Variants in AKT3 observed in about 807,000 individuals in gnomAD.
AKT3 encodes the protein RAC-gamma serine/threonine-protein kinase.
In AKT3, 15 loss-of-function variants were observed where a neutral mutation model predicts 65.3. The observed-to-expected ratio is 0.23, with a 90% CI of 0.15 to 0.35. AKT3 has a LOEUF of 0.35. AKT3 is among the 10% of genes least tolerant of loss of function. The pLI is 1.00. For synonymous variants in AKT3, 206 were observed against 183.8 expected (o/e 1.12, Z -0.98); for missense variants, 243 against 576.5 (o/e 0.42, Z 5.92).
At chr1:243,780,093 G>A (rs1444528508) in intron 2 of AKT3, among the ~76,000 whole-genome samples, 1 of 151,990 alleles carries the variant, frequency 6.6e-6, no homozygotes, top group African/African-American at 2.4e-5. Context: ...AAATTGGTGG[G>A]CCAAAGTTTG....
intron 2 of AKT3, among the ~76,000 whole-genome samples, chr1:243,752,877 G>A (rs1410617465): frequency 2.0e-5 from 3 of 152,190 alleles, no homozygotes; most frequent in East Asian, 1.9e-4. Flanking sequence ...TGGGGGGAAA[G>A]GAAGTTAAAG....
chr1:243,727,374 G>A (rs1378485493), intron 2 of AKT3, among the ~76,000 whole-genome samples: 2 of 152,036 alleles, frequency 1.3e-5, no homozygotes, highest in Non-Finnish European at 2.9e-5. Context: ...GCTCAACACA[G>A]CCTTGACCTC....
chr1:243,812,338 C>A (rs1394717681), intron 2 of AKT3, among the ~76,000 whole-genome samples: 4 of 152,104 alleles, frequency 2.6e-5, no homozygotes, highest in Admixed American at 6.6e-5. Context: ...AAAAAACAAA[C>A]AACCCCATCA....
At chr1:243,534,278 G>C (rs951994178) in intron 12 of AKT3, among the ~76,000 whole-genome samples, 4 of 152,166 alleles carry the variant, frequency 2.6e-5, no homozygotes, top group African/African-American at 9.7e-5. Flanking sequence ...AACTATCAGA[G>C]ATAAAGAGGG....
At chr1:243,768,384 CA>C (rs922179418) in intron 2 of AKT3, among the ~76,000 whole-genome samples, 13 of 152,050 alleles carry the variant, frequency 8.5e-5, no homozygotes, top group Non-Finnish European at 1.9e-4. Flanking sequence ...TGAGTAACTC[CA>C]ATTCATTTTT....
intron 13 of AKT3, among the ~76,000 whole-genome samples, chr1:243,489,405 C>T (rs972451388): frequency 5.3e-5 from 8 of 152,190 alleles, no homozygotes; most frequent in Admixed American, 1.3e-4. Flanking sequence ...CCAAGTTGCG[C>T]CGTGCAGGCT....
rs988584028 is a variant in AKT3 at position 243,766,507 on chromosome 1, T to C, written c.47-70791A>G. On this transcript the variant is annotated intron_variant, in intron 2 of 13. Coordinates refer to ENST00000673466, the MANE Select transcript of AKT3 (RefSeq NM_005465.7). ...AGACCTTAGGTAGATATTGCAGTAATACAGGTAAAGAGATTAGGAGTTCAA... is the reference window on the plus strand; with the variant it reads ...AGACCTTAGGTAGATATTGCAGTAACACAGGTAAAGAGATTAGGAGTTCAA... Among the ~76,000 whole-genome samples the C allele has an allele frequency of 2.0e-5, 3 of 152,166 alleles. 1 individual carries two copies. Among genetic ancestry groups the C allele is most frequent in the South Asian group, 4.1e-4 (2 of 4,826 alleles).
intron 3 of AKT3, among the ~76,000 whole-genome samples, chr1:243,669,128 G>A (rs1421010737): frequency 6.6e-6 from 1 of 152,122 alleles, no homozygotes; most frequent in Non-Finnish European, 1.5e-5. Context: ...TCTCTTTGAA[G>A]CCAACTGTTC....
intron 3 of AKT3, among the ~76,000 whole-genome samples, chr1:243,694,234 T>C (rs780525208): frequency 2.0e-5 from 3 of 152,184 alleles, no homozygotes; most frequent in Non-Finnish European, 2.9e-5. Flanking sequence ...GTAGGGCATT[T>C]AGATAATGTA....
At position 243,833,277 on chromosome 1, in the gene AKT3, T is replaced by C. The variant is rs551472744; in HGVS notation, c.46+9848A>G. ...AAAAAACAAACAAACAAAAAAAACC[T>C]GCCAGAGACTGGGTAATTAACAAAG... On this transcript the variant is annotated intron_variant, in intron 2 of 13. Coordinates refer to ENST00000673466, the MANE Select transcript of AKT3 (RefSeq NM_005465.7). Among the ~76,000 whole-genome samples, 369 of 152,068 alleles carry C rather than the reference T, an allele frequency of 2.4e-3. 1 individual carries two copies. The highest frequency in any genetic ancestry group is 4.1e-3 in the Non-Finnish European group (282 of 67,970).
chr1:243,630,167 T>C (rs921493767), intron 6 of AKT3, among the ~76,000 whole-genome samples: 1 of 152,246 alleles, frequency 6.6e-6, no homozygotes, highest in Non-Finnish European at 1.5e-5. Context: ...CCAAGTTACA[T>C]GTCTTCAGAC....
intron 2 of AKT3, among the ~76,000 whole-genome samples, chr1:243,798,956 T>C (rs1421912450): frequency 6.6e-6 from 1 of 152,228 alleles, no homozygotes; most frequent in Non-Finnish European, 1.5e-5. Context: ...CGCTAAAGTA[T>C]GAGTGGAAAG....
At chr1:243,623,759 C>G (rs946917305) in intron 6 of AKT3, among the ~76,000 whole-genome samples, 7 of 152,172 alleles carry the variant, frequency 4.6e-5, no homozygotes, top group Non-Finnish European at 1.0e-4. Flanking sequence ...CCCAAGGTCT[C>G]CAGCTTCCAG....
intron 13 of AKT3, among the ~76,000 whole-genome samples, chr1:243,509,870 C>T (rs1669912155): frequency 2.0e-5 from 3 of 152,112 alleles, no homozygotes; most frequent in African/African-American, 7.2e-5. Flanking sequence ...TTCCAGGGGA[C>T]AAAGTGACCG....
At chr1:243,836,806 G>A (rs1434919394) in intron 2 of AKT3, among the ~76,000 whole-genome samples, 3 of 151,662 alleles carry the variant, frequency 2.0e-5, no homozygotes, top group African/African-American at 7.3e-5. Context: ...AGCTACTCAG[G>A]AGGCTGAGGC....
chr1:243,825,344 T>C (rs1430609179), intron 2 of AKT3, among the ~76,000 whole-genome samples: 1 of 152,132 alleles, frequency 6.6e-6, no homozygotes, highest in Non-Finnish European at 1.5e-5. Flanking sequence ...CAAACCACCA[T>C]GGCACACGTT....
chr1:243,839,965 G>A (rs552137174), intron 2 of AKT3, among the ~76,000 whole-genome samples: 6 of 151,572 alleles, frequency 4.0e-5, no homozygotes, highest in Non-Finnish European at 7.4e-5. Flanking sequence ...GGCAGATCAC[G>A]AAGTCAGGAG....
chr1:243,683,959 A>T (rs975320863), intron 3 of AKT3, among the ~76,000 whole-genome samples: 5 of 152,176 alleles, frequency 3.3e-5, no homozygotes, highest in Non-Finnish European at 7.3e-5. Flanking sequence ...AAAGGGAATA[A>T]CAACAGTCAC....
chr1:243,572,407 G>C (rs1395928782), intron 9 of AKT3, among the ~76,000 whole-genome samples: 1 of 152,020 alleles, frequency 6.6e-6, no homozygotes, highest in Non-Finnish European at 1.5e-5. Context: ...TACCCTAAGG[G>C]TCTCATCATA....
Sources: allele counts gnomAD v4.1 joint callset (sites outside exome capture counted in the v4.1 genomes callset), GRCh38; gene constraint gnomAD v4.1.1; transcripts MANE v1.5; gene names NCBI Gene and HGNC (gene_info 2026-07-23, HGNC 2026-07-21).